DLGAP2: variants seen among roughly 807,000 people sequenced by gnomAD.
The protein encoded by DLGAP2 is disks large-associated protein 2.
DLGAP2 carries 26 observed loss-of-function variants against 100.3 expected under a neutral mutation model. The observed-to-expected ratio is 0.26, with a 90% CI of 0.19 to 0.36. The LOEUF (loss-of-function observed/expected upper bound fraction) is 0.36, where lower values mean the gene tolerates loss of function less well. DLGAP2 is among the 10% of genes least tolerant of loss of function. The pLI, the probability that DLGAP2 is intolerant of heterozygous loss-of-function variation, is 1.00. For synonymous variants in DLGAP2, 886 were observed against 630.1 expected, an observed-to-expected ratio of 1.41 and a Z score of -6.08; for missense variants, 1,858 against 1,453.2, an observed-to-expected ratio of 1.28 and a Z score of -4.53.
intron 2 of DLGAP2, among the ~76,000 whole-genome samples, chr8:942,283 G>T (rs1317368194): frequency 6.6e-6 from 1 of 152,214 alleles, no homozygotes; most frequent in African/African-American, 2.4e-5. Flanking sequence ...CTCTGCTGCC[G>T]CCTGTGTAAC....
At chr8:811,597 A>G (rs1207479458) in intron 1 of DLGAP2, among the ~76,000 whole-genome samples, 1 of 147,786 alleles carries the variant, frequency 6.8e-6, no homozygotes, top group Non-Finnish European at 1.5e-5. Context: ...CCATGGTGAG[A>G]GGCCACCAGC....
At position 1,268,835 on chromosome 8, in the gene DLGAP2, G is replaced by A. The variant is rs530430577; in HGVS notation, c.106+9952G>A. Among the ~76,000 whole-genome samples the A allele has an allele frequency of 4.4e-4, 67 of 152,302 alleles. 1 individual carries two copies. Among genetic ancestry groups the A allele is most frequent in the African/African-American group, 1.3e-3 (52 of 41,574 alleles). ...CTGGGGTCTCACTCTGACTTGGCAG[G>A]TGCTAAGACATTTTCAAAGACAAAG... On this transcript the variant is annotated intron_variant, in intron 3 of 14. Transcript: ENST00000637795.
At chr8:1,191,608 A>T (rs1310447494) in intron 2 of DLGAP2, among the ~76,000 whole-genome samples, 1 of 152,206 alleles carries the variant, frequency 6.6e-6, no homozygotes, top group East Asian at 1.9e-4. Flanking sequence ...ACAGGCAGCC[A>T]CAACGCGCCG....
At chr8:1,593,785 T>C (rs1796362398) in intron 6 of DLGAP2, among the ~76,000 whole-genome samples, 1 of 152,184 alleles carries the variant, frequency 6.6e-6, no homozygotes, top group South Asian at 2.1e-4. Context: ...GACAGTGGCA[T>C]GGCTGGTAGA....
At chr8:1,511,113 T>C (rs1030599945) in intron 4 of DLGAP2, among the ~76,000 whole-genome samples, 2 of 152,266 alleles carry the variant, frequency 1.3e-5, no homozygotes, top group Non-Finnish European at 2.9e-5. Context: ...GAACCGAAAA[T>C]AAATTTCCCT....
At chr8:1,033,386 G>A (rs1157613398) in intron 2 of DLGAP2, among the ~76,000 whole-genome samples, 1 of 152,214 alleles carries the variant, frequency 6.6e-6, no homozygotes, top group Non-Finnish European at 1.5e-5. Context: ...GCTGGGGGTT[G>A]GGGGTGGTGG....
Position 1,549,597 on chromosome 8 carries a change from G to A in DLGAP2, c.1144G>A (p.Ala382Thr). 2 of 1,607,788 alleles carry A rather than the reference G, an allele frequency of 1.2e-6. No individual in the cohort carries two copies. The highest frequency in any genetic ancestry group is 1.7e-6 in the Non-Finnish European group (2 of 1,178,084). Reference protein sequence around the residue: ...STLTVSQAKEAYRKSSLNLDK... With the variant: ...STLTVSQAKETYRKSSLNLDK... ...GCTGACGGTCAGCCAGGCCAAGGAGGCCTACCGCAAGAGCTCGCTGAACCT... is the reference window on the plus strand; with the variant it reads ...GCTGACGGTCAGCCAGGCCAAGGAGACCTACCGCAAGAGCTCGCTGAACCT... Residue 382 changes from alanine (A) to threonine (T), a missense_variant, in exon 5 of 15, where the codon GCC becomes ACC. Ala to Thr is a moderately conservative substitution (Grantham distance 58). Transcript: ENST00000637795.
At chr8:857,477 A>G (rs544136125) in intron 1 of DLGAP2, among the ~76,000 whole-genome samples, 2 of 152,374 alleles carry the variant, frequency 1.3e-5, no homozygotes, top group East Asian at 3.9e-4. Flanking sequence ...ATAATTTTCA[A>G]ATTTCAATGG....
intron 2 of DLGAP2, among the ~76,000 whole-genome samples, chr8:1,185,648 A>G (rs1322305137): frequency 6.6e-6 from 1 of 152,132 alleles, no homozygotes; most frequent in Non-Finnish European, 1.5e-5. Flanking sequence ...TTCCAAAAGC[A>G]GTAGAAACCA....
intron 1 of DLGAP2, among the ~76,000 whole-genome samples, chr8:885,106 G>C (rs1274179446): frequency 6.6e-6 from 1 of 152,136 alleles, no homozygotes; most frequent in East Asian, 1.9e-4. Context: ...GATTGTCTTG[G>C]CTATATGGGG....
intron 1 of DLGAP2, among the ~76,000 whole-genome samples, chr8:754,881 G>A (rs1703839984): frequency 1.3e-5 from 2 of 152,150 alleles, no homozygotes; most frequent in Admixed American, 1.3e-4. Context: ...CAAGCAGTGT[G>A]CTGTTGTAAC....
chr8:1,191,316 A>T (rs567310204), intron 2 of DLGAP2, among the ~76,000 whole-genome samples: 6 of 151,184 alleles, frequency 4.0e-5, no homozygotes, highest in African/African-American at 4.9e-5. Flanking sequence ...GACTACAGGC[A>T]CCCGCCACCA....
intron 3 of DLGAP2, among the ~76,000 whole-genome samples, chr8:1,440,601 A>T (rs1797801997): frequency 6.6e-6 from 1 of 152,196 alleles, no homozygotes; most frequent in South Asian, 2.1e-4. Flanking sequence ...AAACGGCAGA[A>T]ATTTTAGAAG....
At chr8:1,102,873 G>T (rs9644304) in intron 2 of DLGAP2, among the ~76,000 whole-genome samples, 37,810 of 151,408 alleles carry the variant, frequency 0.25, 5,496 homozygotes, top group Non-Finnish European at 0.31. Context: ...GAGTCTCTGG[G>T]GTCTCTGGTT....
In DLGAP2 at chr8:1,434,889, C is replaced by A. The variant is rs1003078591; in HGVS notation, c.107-66477C>A. Among the ~76,000 whole-genome samples the A allele has an allele frequency of 5.3e-5, 8 of 152,254 alleles. No homozygotes were observed. In the South Asian group the frequency reaches 1.7e-3, roughly 32 times the overall value. On this transcript the variant is annotated intron_variant, in intron 3 of 14. Transcript: ENST00000637795. Reference sequence around the variant, plus strand: ...CTCCCTCCTCCATGGTATCATCATCCTTCTTATCACTGGGCTTTGATGCAG... The same window carrying A: ...CTCCCTCCTCCATGGTATCATCATCATTCTTATCACTGGGCTTTGATGCAG...
intron 1 of DLGAP2, among the ~76,000 whole-genome samples, chr8:839,084 A>G (rs565640031): frequency 2.5e-4 from 38 of 152,354 alleles, no homozygotes; most frequent in Non-Finnish European, 4.4e-4. Flanking sequence ...CCAAAAGAAA[A>G]CAAGTGTTGG....
chr8:1,344,081 G>T (rs1801484090), intron 3 of DLGAP2, among the ~76,000 whole-genome samples: 1 of 29,684 alleles, frequency 3.4e-5, no homozygotes, highest in African/African-American at 1.3e-4. Context: ...GCCTGCAAAT[G>T]TCGTACTCGG....
chr8:1,515,148 G>C (rs1800320859), intron 4 of DLGAP2, among the ~76,000 whole-genome samples: 1 of 152,064 alleles, frequency 6.6e-6, no homozygotes, highest in Non-Finnish European at 1.5e-5. Context: ...GGAAGGAGGA[G>C]ACATGGAAGG....
At position 1,615,196 on chromosome 8, in the gene DLGAP2, G is replaced by A. The variant is rs76095454; in HGVS notation, c.1443-11544G>A. ...GTTTAGTTTCCAGCTGCTGACCACC[G>A]ATGGTGAAGATCAGTCTGGAGGCTG... is the stretch of plus-strand genomic sequence containing the variant. On this transcript the variant is annotated intron_variant, in intron 6 of 14. Coordinates refer to ENST00000637795, the MANE Select transcript of DLGAP2 (RefSeq NM_001346810.2). Among the ~76,000 whole-genome samples, 481 of 152,276 alleles carry A rather than the reference G, an allele frequency of 3.2e-3. 1 individual carries two copies. The highest frequency in any genetic ancestry group is 0.011 in the African/African-American group (472 of 41,554).
Sources: allele counts gnomAD v4.1 joint callset (sites outside exome capture counted in the v4.1 genomes callset), GRCh38; gene constraint gnomAD v4.1.1; transcripts MANE v1.5; gene names NCBI Gene and HGNC (gene_info 2026-07-23, HGNC 2026-07-21).